Variants in DDR2 observed in about 807,000 individuals in gnomAD.
The protein encoded by DDR2 is discoidin domain-containing receptor 2.
A neutral mutation model predicts 94.9 loss-of-function variants in DDR2; 27 were observed. The observed-to-expected ratio is 0.28, with a 90% CI of 0.21 to 0.39. DDR2 has a LOEUF of 0.39. Ranked by LOEUF, DDR2 falls within the 10% of genes least tolerant of loss-of-function variation. DDR2 has a pLI of 1.00. For synonymous variants in DDR2, 382 were observed against 377.2 expected (o/e 1.01, Z -0.15); for missense variants, 783 against 1,076.0 (o/e 0.73, Z 3.81).
chr1:162,740,090 A>T (rs964663717), intron 3 of DDR2, among the ~76,000 whole-genome samples: 1 of 152,192 alleles, frequency 6.6e-6, no homozygotes, highest in South Asian at 2.1e-4. Flanking sequence ...ATATTTTTAA[A>T]TACCTATTTT....
At chr1:162,663,374 T>C (rs1250702576) in intron 2 of DDR2, among the ~76,000 whole-genome samples, 1 of 152,158 alleles carries the variant, frequency 6.6e-6, no homozygotes, top group Non-Finnish European at 1.5e-5. Context: ...GGCTACCCCT[T>C]AAAAAACCTA....
intron 2 of DDR2, among the ~76,000 whole-genome samples, chr1:162,680,001 A>G (rs1032564613): frequency 6.6e-6 from 1 of 151,798 alleles, no homozygotes; most frequent in African/African-American, 2.4e-5. Flanking sequence ...TTCCTTGTAA[A>G]TTTGTTCAAG....
chr1:162,720,438 C>CT (rs759471742), intron 3 of DDR2, among the ~76,000 whole-genome samples: 6 of 149,128 alleles, frequency 4.0e-5, no homozygotes, highest in Non-Finnish European at 7.4e-5. Context: ...TGTCTGGCTT[C>CT]TTTCACTCAA....
Position 162,770,494 on chromosome 1 carries a change from C to G in DDR2, c.1486C>G (p.Pro496Ala), listed in dbSNP as rs1291790073. The G allele has an allele frequency of 6.2e-7, 1 of 1,614,070 alleles. No individual in the cohort carries two copies. The highest frequency in any genetic ancestry group is 1.1e-5 in the South Asian group (1 of 91,060). The part of the protein sequence containing the change: ...RLIRKLPEFA[P>A]GEEESGCSGV... ...GATACGAAAACTCCCAGAATTTGCT[C>G]CAGGGGAGGAGGAGTCAGGTGAGGA... is the stretch of plus-strand genomic sequence containing the variant. Residue 496 changes from proline to alanine, a missense_variant, in exon 12 of 18, where the codon CCA (proline) becomes GCA (alanine). Physicochemically the swap from Pro to Ala is conservative, Grantham distance 27. Around this residue, in one of 2 missense-constraint regions of DDR2, gnomAD observed 519 missense variants for 647.9 expected, o/e 0.80. Transcript: ENST00000367921.
At chr1:162,631,582 T>C (rs778480693), upstream of DDR2, 2 of 152,010 alleles carry the variant, frequency 1.3e-5, no homozygotes, top group Non-Finnish European at 2.9e-5. Context: ...AGCGTGGGCT[T>C]GGTCAGGAAT....
At chr1:162,704,696 C>A (rs1318897006) in intron 2 of DDR2, among the ~76,000 whole-genome samples, 2 of 152,038 alleles carry the variant, frequency 1.3e-5, no homozygotes, top group Non-Finnish European at 2.9e-5. Context: ...AAAGAGGGTG[C>A]CACCCTCATG....
rs78310378 is a variant in DDR2 at position 162,744,297 on chromosome 1, T to G, written c.83-8798T>G. On this transcript the variant is annotated intron_variant, in intron 3 of 17. Coordinates refer to ENST00000367921, the MANE Select transcript of DDR2 (RefSeq NM_006182.4). ...AACCGAACTTTATATCCCTCGAATA[T>G]GAATTCCTCATTTCCCTTTCCTCCC... 9.5e-3 allele frequency among the ~76,000 whole-genome samples: 1,442 copies of G among 152,322 alleles called. 21 individuals are homozygous for G. The highest frequency in any genetic ancestry group is 0.033 in the African/African-American group (1,377 of 41,560).
chr1:162,679,797 GTT>G (rs1558022615), intron 2 of DDR2, among the ~76,000 whole-genome samples: 2 of 151,818 alleles, frequency 1.3e-5, no homozygotes, highest in Non-Finnish European at 2.9e-5. Flanking sequence ...GCCAACATCT[GTT>G]TTGTTTTGTT....
chr1:162,639,879 G>A (rs188055953), intron 1 of DDR2, among the ~76,000 whole-genome samples: 16 of 152,300 alleles, frequency 1.1e-4, no homozygotes, highest in Admixed American at 2.0e-4. Context: ...CCAGGAATTA[G>A]GGGTGAGGGA....
intron 2 of DDR2, among the ~76,000 whole-genome samples, chr1:162,712,000 G>A (rs1382322732): frequency 1.3e-5 from 2 of 151,942 alleles, no homozygotes; most frequent in East Asian, 3.9e-4. Flanking sequence ...CCAGGCAAGA[G>A]GAGAACTTAA....
intron 2 of DDR2, among the ~76,000 whole-genome samples, chr1:162,696,162 G>T (rs543465786): frequency 6.6e-6 from 1 of 150,660 alleles, no homozygotes; most frequent in Non-Finnish European, 1.5e-5. Context: ...TCTTCTGACC[G>T]ACAGAAGACA....
chr1:162,658,979 C>T (rs1658160436), intron 2 of DDR2, among the ~76,000 whole-genome samples: 1 of 152,008 alleles, frequency 6.6e-6, no homozygotes, highest in Admixed American at 6.6e-5. Flanking sequence ...GAAGAAAGAA[C>T]TGGGGAGGAG....
chr1:162,719,152 T>G lies in DDR2; in HGVS notation c.82+7T>G. ...AAAGCTCAGGTTAATCCAGGTAACA[T>G]GGCTATTACTCAGCTATATGCTAGA... On this transcript the variant is annotated splice_region_variant and intron_variant, in intron 3 of 17. Coordinates refer to ENST00000367921, the MANE Select transcript of DDR2 (RefSeq NM_006182.4). The G allele has an allele frequency of 6.2e-7, 1 of 1,613,766 alleles. No homozygotes were observed. Among genetic ancestry groups the G allele is most frequent in the Non-Finnish European group, 8.5e-7 (1 of 1,179,738 alleles).
intron 3 of DDR2, 124 bp downstream of exon 3, chr1:162,719,269 A>T: frequency 6.6e-7 from 1 of 1,525,242 alleles, no homozygotes; most frequent in South Asian, 1.2e-5. Context: ...TTAAATCTCC[A>T]TGGTGAAATA....
chr1:162,726,909 A>T (rs796664207), intron 3 of DDR2, among the ~76,000 whole-genome samples: 10 of 151,708 alleles, frequency 6.6e-5, no homozygotes, highest in African/African-American at 2.4e-4. Flanking sequence ...AGCTGACAAG[A>T]ACTCTAGGGG....
chr1:162,636,397 T>A (rs1656820958), intron 1 of DDR2, among the ~76,000 whole-genome samples: 1 of 152,178 alleles, frequency 6.6e-6, no homozygotes. Flanking sequence ...TTGGATATTG[T>A]CTGTAATGGA....
At position 162,643,512 on chromosome 1, in the gene DDR2, C is replaced by T. The variant is rs147803306; in HGVS notation, c.-192+10881C>T. Among the ~76,000 whole-genome samples the T allele has an allele frequency of 4.3e-4, 65 of 152,142 alleles. 1 individual carries two copies. In the East Asian group the frequency reaches 0.01, roughly 24 times the overall value. ...CTTTTTCTTTCTTGAGATGGAGTCT[C>T]GCTCTGTCACCCAGGCTGGAGTGCA... On this transcript the variant is annotated intron_variant, in intron 1 of 17. Coordinates refer to ENST00000367921, the MANE Select transcript of DDR2 (RefSeq NM_006182.4).
At chr1:162,739,591 G>A (rs1159289939) in intron 3 of DDR2, among the ~76,000 whole-genome samples, 1 of 152,062 alleles carries the variant, frequency 6.6e-6, no homozygotes, top group African/African-American at 2.4e-5. Flanking sequence ...ACAGGCGTGA[G>A]CCACCATGCC....
chr1:162,635,166 C>T (rs867851541), intron 1 of DDR2, among the ~76,000 whole-genome samples: 1 of 152,246 alleles, frequency 6.6e-6, no homozygotes, highest in Non-Finnish European at 1.5e-5. Context: ...CCTAGCCACT[C>T]TGTGAACTCG....
Sources: allele counts gnomAD v4.1 joint callset (sites outside exome capture counted in the v4.1 genomes callset), GRCh38; gene constraint gnomAD v4.1.1; regional missense constraint gnomAD v4.1.1; transcripts MANE v1.5; gene names NCBI Gene and HGNC (gene_info 2026-07-23, HGNC 2026-07-21).